MID1IP1: variants seen among roughly 807,000 people sequenced by gnomAD.
MID1IP1 encodes the protein mid1-interacting protein 1.
Under a neutral mutation model 6.8 loss-of-function variants are expected in MID1IP1, and 3 were observed. The ratio of observed to expected loss-of-function variants is 0.44; its 90% CI spans 0.20 to 1.14. The LOEUF is 1.14. Ranked by LOEUF, MID1IP1 falls within the 50% of genes most tolerant of loss-of-function variation. MID1IP1 has a pLI of 0.26. For synonymous variants in MID1IP1, 87 were observed against 70.4 expected, an observed-to-expected ratio of 1.24 and a Z score of -1.18; for missense variants, 127 against 158.4, an observed-to-expected ratio of 0.80 and a Z score of 1.06.
Position 38,805,514 on chromosome X carries a change from G to A in MID1IP1, c.*16G>A. ...GGGCCACTGAGGCGTGGCGCCCGTG[G>A]CTGCCCAGCACCTTCTTCGACCCAT... On this transcript the variant is annotated 3_prime_UTR_variant, in exon 3 of 3. Coordinates refer to ENST00000614558, the MANE Select transcript of MID1IP1 (RefSeq NM_021242.6). 1 of 1,195,305 alleles carries A rather than the reference G, an allele frequency of 8.4e-7. No homozygotes were observed. The highest frequency in any genetic ancestry group is 1.1e-6 in the Non-Finnish European group (1 of 882,671).
Position 38,805,273 on chromosome X carries a change from G to A in MID1IP1, c.327G>A (p.Pro109=), listed in dbSNP as rs758479668. The change falls in exon 3 of 3, where the codon CCG becomes CCA. Residue 109 remains proline, a synonymous_variant. Coordinates refer to ENST00000614558, the MANE Select transcript of MID1IP1 (RefSeq NM_021242.6). The stretch of plus-strand genomic sequence containing the variant: ...TCGAGTGGGGGGTCCTGCACCAGCC[G>A]CCTCCACCGGCTGGGAGCGAGGAGG... ...NDIEWGVLHQ[P]PPPAGSEEGS... is the part of the protein sequence containing the mutation. The A allele has an allele frequency of 1.0e-5, 12 of 1,198,143 alleles. No homozygotes were observed. The East Asian group carries it at 3.6e-4, about 36-fold the overall frequency.
intron 1 of MID1IP1, chrX:38,801,737 T>A (rs967748958): frequency 2.7e-5 from 3 of 111,294 alleles, no homozygotes; most frequent in Non-Finnish European, 5.7e-5. Context: ...CTGGGTGGAA[T>A]CCTTTTGCTA....
At position 38,803,974 on chromosome X, in the gene MID1IP1, G is replaced by A; in HGVS notation, c.-704G>A. 8.7e-6 allele frequency: 1 copy of A among 114,517 alleles called. No individual in the cohort carries two copies. The highest frequency in any genetic ancestry group is 1.9e-5 in the Non-Finnish European group (1 of 53,908). The allele number at this position is 114,517 out of a possible 1,213,427, so 9.4% of individuals were successfully genotyped here. On this transcript the variant is annotated 5_prime_UTR_variant, in exon 2 of 3. Coordinates refer to ENST00000614558, the MANE Select transcript of MID1IP1 (RefSeq NM_021242.6). ...CGCTGTGCCCGGCCCTCCTCATCTG[G>A]CCTGCCCAGGGCTTGGTGCTGGCGG...
chrX:38,805,552 C>T lies in MID1IP1; in HGVS notation c.*54C>T. 9.7e-7 allele frequency: 1 copy of T among 1,029,324 alleles called. No individual in the cohort carries two copies. Among genetic ancestry groups the T allele is most frequent in the South Asian group, 2.1e-5 (1 of 48,125 alleles). 84.8% of individuals were successfully genotyped at this position (1,029,324 alleles called of 1,213,427 possible). A position where few individuals can be genotyped will look rare whatever the true frequency, so the allele number is the denominator to read the frequency against. ...TTCTTCGACCCATCTCACCCTCTCT[C>T]ATTCCTCAAAGCTTTTTTTTTTTTT... On this transcript the variant is annotated 3_prime_UTR_variant, in exon 3 of 3. Transcript: ENST00000614558.
chrX:38,804,043 T>TGCCCTGGCCTGCCCC lies in MID1IP1; in HGVS notation c.-633_-619dup, dbSNP rs1401940700. 1.8e-5 allele frequency: 2 copies of TGCCCTGGCCTGCCCC among 113,811 alleles called. No individual in the cohort carries two copies. The allele number at this position is 113,811 out of a possible 1,213,427, so 9.4% of individuals were successfully genotyped here. ...CCTCCTCCTCTGCTCTGCCCTGCCC[T>TGCCCTGGCCTGCCCC]GCCCTGGCCTGCCCCGGCGCCCTCC... On this transcript the variant is annotated 5_prime_UTR_variant, in exon 2 of 3. Transcript: ENST00000614558.
chrX:38,804,730 G>C lies in MID1IP1; in HGVS notation c.-217G>C, dbSNP rs1057180392. 2.7e-5 allele frequency: 11 copies of C among 401,059 alleles called. No homozygotes were observed. The highest frequency in any genetic ancestry group is 2.5e-4 in the African/African-American group (10 of 40,052). 33.1% of individuals were successfully genotyped at this position (401,059 alleles called of 1,213,427 possible). ...ACCCTCAGCCATCGCGAGTTTCCGGGCGCCAAAGCCAGGAGAAGCCGCCCA... is the reference window on the plus strand; with the variant it reads ...ACCCTCAGCCATCGCGAGTTTCCGGCCGCCAAAGCCAGGAGAAGCCGCCCA... On this transcript the variant is annotated 5_prime_UTR_variant, in exon 3 of 3. Transcript: ENST00000614558.
chrX:38,805,564 C>CT lies in MID1IP1; in HGVS notation c.*79dup, dbSNP rs752177738. Reference sequence around the variant, plus strand: ...TCTCACCCTCTCTCATTCCTCAAAGCTTTTTTTTTTTTTCCTGGCTGGGGG... The same window carrying CT: ...TCTCACCCTCTCTCATTCCTCAAAGCTTTTTTTTTTTTTTCCTGGCTGGGGG... On this transcript the variant is annotated 3_prime_UTR_variant, in exon 3 of 3. Coordinates refer to ENST00000614558, the MANE Select transcript of MID1IP1 (RefSeq NM_021242.6). The CT allele has an allele frequency of 0.03, 23,931 of 808,460 alleles. 22 individuals are homozygous for CT. The highest frequency in any genetic ancestry group is 0.1 in the East Asian group (2,598 of 25,355). The allele number at this position is 808,460 out of a possible 1,213,427, so 66.6% of individuals were successfully genotyped here.
rs1165851440 is a variant in MID1IP1 at position 38,806,372 on chromosome X, A to C, written c.*874A>C. ...GGTTCCACTGTTGTTGTATGTCTTA[A>C]ATTTATTTAAAACTTTTTTTAATCC... On this transcript the variant is annotated 3_prime_UTR_variant, in exon 3 of 3. Transcript: ENST00000614558. 4.9e-5 allele frequency: 6 copies of C among 123,332 alleles called. No homozygotes were observed. The highest frequency in any genetic ancestry group is 1.1e-4 in the Non-Finnish European group (6 of 53,257). The allele number at this position is 123,332 out of a possible 1,213,427, so 10.2% of individuals were successfully genotyped here.
At position 38,804,723 on chromosome X, in the gene MID1IP1, T is replaced by G; in HGVS notation, c.-224T>G. 1 of 392,306 alleles carries G rather than the reference T, an allele frequency of 2.5e-6. No individual in the cohort carries two copies. The highest frequency in any genetic ancestry group is 4.0e-5 in the East Asian group (1 of 25,113). 32.3% of individuals were successfully genotyped at this position (392,306 alleles called of 1,213,427 possible). A position where few individuals can be genotyped will look rare whatever the true frequency, so the allele number is the denominator to read the frequency against. Reference sequence around the variant, plus strand: ...ACAGAGCACCCTCAGCCATCGCGAGTTTCCGGGCGCCAAAGCCAGGAGAAG... The same window carrying G: ...ACAGAGCACCCTCAGCCATCGCGAGGTTCCGGGCGCCAAAGCCAGGAGAAG... On this transcript the variant is annotated 5_prime_UTR_variant, in exon 3 of 3. Transcript: ENST00000614558.
chrX:38,805,162 C>G lies in MID1IP1; in HGVS notation c.216C>G (p.Asp72Glu). Residue 72 changes from aspartate (D) to glutamate (E), a missense_variant, in exon 3 of 3, where the codon GAC becomes GAG. Asp to Glu is a conservative substitution (Grantham distance 45). Coordinates refer to ENST00000614558, the MANE Select transcript of MID1IP1 (RefSeq NM_021242.6). The part of the protein sequence containing the change: ...CLEERTPPVP[D>E]SGSANGSFFA... ...AGGAGCGCACGCCCCCAGTCCCCGA[C>G]TCGGGAAGCGCCAATGGCAGCTTTT... 8.3e-7 allele frequency: 1 copy of G among 1,210,500 alleles called. No individual in the cohort carries two copies. The highest frequency in any genetic ancestry group is 1.8e-5 in the South Asian group (1 of 56,854).
chrX:38,801,905 G>C (rs887627006), intron 1 of MID1IP1: 1 of 112,235 alleles, frequency 8.9e-6, no homozygotes. Flanking sequence ...TCCAGGAAGG[G>C]GGACAAAGTA....
At chrX:38,802,379 C>T (rs918933285) in intron 1 of MID1IP1, among the ~76,000 whole-genome samples, 156 bp from the exon 2 acceptor site, 7 of 112,220 alleles carry the variant, frequency 6.2e-5, no homozygotes, top group African/African-American at 2.3e-4. Flanking sequence ...CATTGATCTT[C>T]CTTCAAAACC....
In MID1IP1 at chrX:38,805,584, T is replaced by C; in HGVS notation, c.*86T>C. The C allele has an allele frequency of 1.3e-6, 1 of 745,999 alleles. No homozygotes were observed. The highest frequency in any genetic ancestry group is 1.8e-6 in the Non-Finnish European group (1 of 553,200). 61.5% of individuals were successfully genotyped at this position (745,999 alleles called of 1,213,427 possible). A position where few individuals can be genotyped will look rare whatever the true frequency, so the allele number is the denominator to read the frequency against. Reference sequence around the variant, plus strand: ...CAAAGCTTTTTTTTTTTTTCCTGGCTGGGGGGCGGGAAGGGCAGACTGCAA... The same window carrying C: ...CAAAGCTTTTTTTTTTTTTCCTGGCCGGGGGGCGGGAAGGGCAGACTGCAA... On this transcript the variant is annotated 3_prime_UTR_variant, in exon 3 of 3. Transcript: ENST00000614558.
At position 38,805,929 on chromosome X, in the gene MID1IP1, C is replaced by T. The variant is rs1370168119; in HGVS notation, c.*431C>T. 3 of 148,034 alleles carry T rather than the reference C, an allele frequency of 2.0e-5. No homozygotes were observed. The highest frequency in any genetic ancestry group is 2.9e-5 in the Non-Finnish European group (2 of 68,780). The allele number at this position is 148,034 out of a possible 1,213,427, so 12.2% of individuals were successfully genotyped here. A position where few individuals can be genotyped will look rare whatever the true frequency, so the allele number is the denominator to read the frequency against. On this transcript the variant is annotated 3_prime_UTR_variant, in exon 3 of 3. Transcript: ENST00000614558. ...GGAAGGCGGGGCGCGTAGCCTCCCG[C>T]CGCCCTGCGGTTGGGCCGGTGGAGG...
Position 38,806,047 on chromosome X carries a change from T to G in MID1IP1, c.*549T>G, listed in dbSNP as rs2070515996. 1 of 130,086 alleles carries G rather than the reference T, an allele frequency of 7.7e-6. No individual in the cohort carries two copies. The highest frequency in any genetic ancestry group is 1.8e-5 in the Non-Finnish European group (1 of 56,950). 10.7% of individuals were successfully genotyped at this position (130,086 alleles called of 1,213,427 possible). On this transcript the variant is annotated 3_prime_UTR_variant, in exon 3 of 3. Coordinates refer to ENST00000614558, the MANE Select transcript of MID1IP1 (RefSeq NM_021242.6). ...TGTGAAGTATTTCGAATCTCCTCCT[T>G]GCTCTGAAACTTCAGCGATTCCATT...
intron 1 of MID1IP1, among the ~76,000 whole-genome samples, chrX:38,802,157 C>A (rs2070461584): frequency 8.9e-6 from 1 of 112,268 alleles, no homozygotes. Flanking sequence ...TACAATTAAT[C>A]TTTGTACTTT....
chrX:38,802,434 T>C (rs929186124), intron 1 of MID1IP1, 101 bp from the exon 2 acceptor site: 6 of 112,501 alleles, frequency 5.3e-5, no homozygotes, highest in Admixed American at 4.7e-4. Flanking sequence ...ACATGGGCTG[T>C]GATGTAGAGC....
chrX:38,806,466 T>A lies in MID1IP1; in HGVS notation c.*968T>A. On this transcript the variant is annotated 3_prime_UTR_variant, in exon 3 of 3. Coordinates refer to ENST00000614558, the MANE Select transcript of MID1IP1 (RefSeq NM_021242.6). ...ACTAAATTGGACAAGCGTCTGGTCCTCATTAATCTGCCAATGAATGGTTTC... is the reference window on the plus strand; with the variant it reads ...ACTAAATTGGACAAGCGTCTGGTCCACATTAATCTGCCAATGAATGGTTTC... The A allele has an allele frequency of 8.0e-6, 1 of 125,226 alleles. No individual in the cohort carries two copies. The allele number at this position is 125,226 out of a possible 1,213,427, so 10.3% of individuals were successfully genotyped here.
At position 38,806,480 on chromosome X, in the gene MID1IP1, A is replaced by G. The variant is rs2070520782; in HGVS notation, c.*982A>G. The G allele has an allele frequency of 1.6e-5, 2 of 123,424 alleles. No homozygotes were observed. Among genetic ancestry groups the G allele is most frequent in the African/African-American group, 6.5e-5 (2 of 30,816 alleles). 10.2% of individuals were successfully genotyped at this position (123,424 alleles called of 1,213,427 possible). On this transcript the variant is annotated 3_prime_UTR_variant, in exon 3 of 3. Coordinates refer to ENST00000614558, the MANE Select transcript of MID1IP1 (RefSeq NM_021242.6). ...GCGTCTGGTCCTCATTAATCTGCCA[A>G]TGAATGGTTTCGTCATTAAATAAAA... is the stretch of plus-strand genomic sequence containing the variant.
Sources: gnomAD v4.1 joint callset for allele counts (sites outside exome capture counted in the v4.1 genomes callset) on GRCh38, gnomAD v4.1.1 for gene constraint, MANE v1.5 for transcripts, NCBI Gene and HGNC (gene_info 2026-07-23, HGNC 2026-07-21) for gene names.